FARP1: variants seen among roughly 807,000 people sequenced by gnomAD.
The protein encoded by FARP1 is FERM, ARH/RhoGEF and pleckstrin domain protein 1, also known as FERM, ARHGEF and pleckstrin domain-containing protein 1.
In FARP1, 52 loss-of-function variants were observed where a neutral mutation model predicts 128.8. The observed-to-expected ratio is 0.40, with a 90% CI of 0.32 to 0.51. The LOEUF (loss-of-function observed/expected upper bound fraction) is 0.51, where lower values mean the gene tolerates loss of function less well. FARP1 is among the 20% of genes least tolerant of loss of function. The pLI, the probability that FARP1 is intolerant of heterozygous loss-of-function variation, is 0.45. For missense variants in FARP1, 1,333 were observed against 1,367.9 expected, an observed-to-expected ratio of 0.97 and a Z score of 0.40; for synonymous variants, 580 against 551.8, an observed-to-expected ratio of 1.05 and a Z score of -0.72.
chr13:98,279,577 T>C (rs1161222880), intron 2 of FARP1, among the ~76,000 whole-genome samples: 1 of 152,214 alleles, frequency 6.6e-6, no homozygotes, highest in Non-Finnish European at 1.5e-5. Context: ...TTAATTTTAA[T>C]TAACTTACTA....
chr13:98,188,224 G>A (rs918981949), intron 1 of FARP1, among the ~76,000 whole-genome samples: 1 of 152,168 alleles, frequency 6.6e-6, no homozygotes, highest in Non-Finnish European at 1.5e-5. Flanking sequence ...GAACAGAACA[G>A]TTTCTGTAAG....
At chr13:98,227,453 A>G (rs954674223) in intron 2 of FARP1, among the ~76,000 whole-genome samples, 12 of 145,002 alleles carry the variant, frequency 8.3e-5, no homozygotes, top group African/African-American at 3.2e-4. Context: ...GCTACTATTA[A>G]AAAAAAAAAA....
intron 2 of FARP1, among the ~76,000 whole-genome samples, chr13:98,225,127 A>G (rs1881682270): frequency 6.6e-6 from 1 of 152,182 alleles, no homozygotes; most frequent in African/African-American, 2.4e-5. Flanking sequence ...AGAGCTGAAA[A>G]AACCTCAGAT....
intron 6 of FARP1, among the ~76,000 whole-genome samples, chr13:98,378,663 T>C (rs1889695216): frequency 6.6e-6 from 1 of 151,870 alleles, no homozygotes. Context: ...TATCCTGATA[T>C]GTGCCTAGTT....
At chr13:98,217,115 G>C (rs1471380658) in intron 2 of FARP1, among the ~76,000 whole-genome samples, 3 of 152,202 alleles carry the variant, frequency 2.0e-5, no homozygotes, top group Admixed American at 1.3e-4. Flanking sequence ...AGTTCCCACT[G>C]ACATTAGTAG....
Position 98,314,826 on chromosome 13 carries a change from G to A in FARP1, c.172-28936G>A, listed in dbSNP as rs1886652775. On this transcript the variant is annotated intron_variant, in intron 2 of 26. Transcript: ENST00000319562. The stretch of plus-strand genomic sequence containing the variant: ...GAGCACCTCTAGGGAAATAGGATGA[G>A]CCAATTAAGGAAGAGAGGGGCAGAC... Among the ~76,000 whole-genome samples, 3 of 152,356 alleles carry A rather than the reference G, an allele frequency of 2.0e-5. No homozygotes were observed. In the South Asian group the frequency reaches 6.2e-4, roughly 32 times the overall value.
intron 2 of FARP1, among the ~76,000 whole-genome samples, chr13:98,265,311 A>ATTTTTTTTTTTTTTTTT (rs60809416): frequency 1.7e-5 from 1 of 60,252 alleles, no homozygotes; most frequent in African/African-American, 7.8e-5. Flanking sequence ...TCCTTCCTGA[A>ATTTTTTTTTTTTTTTTT]TTTTTTTTTT....
intron 5 of FARP1, among the ~76,000 whole-genome samples, chr13:98,373,309 T>C (rs1015564683): frequency 6.6e-6 from 1 of 152,130 alleles, no homozygotes; most frequent in African/African-American, 2.4e-5. Context: ...ATTCAGAATG[T>C]AATTTTAAAA....
At chr13:98,442,876 AC>A (rs1341284144) in intron 24 of FARP1, among the ~76,000 whole-genome samples, 1 of 151,942 alleles carries the variant, frequency 6.6e-6, no homozygotes, top group Non-Finnish European at 1.5e-5. Context: ...GTGAATTACG[AC>A]TCTCAAGGCT....
chr13:98,360,768 G>A (rs1182467795), intron 3 of FARP1, among the ~76,000 whole-genome samples: 1 of 152,208 alleles, frequency 6.6e-6, no homozygotes, highest in Non-Finnish European at 1.5e-5. Context: ...TTTCTCTAGA[G>A]GTCCATTCAT....
chr13:98,154,461 T>A (rs559986469), intron 1 of FARP1, among the ~76,000 whole-genome samples: 3 of 152,282 alleles, frequency 2.0e-5, no homozygotes, highest in South Asian at 4.1e-4. Context: ...TTTCTTGGAC[T>A]CTCTGGCAGA....
intron 11 of FARP1, among the ~76,000 whole-genome samples, chr13:98,392,500 CAAA>C (rs768704584): frequency 7.3e-6 from 1 of 136,344 alleles, no homozygotes. Flanking sequence ...GATCCTGTCC[CAAA>C]AAAAAAAAAG....
intron 6 of FARP1, among the ~76,000 whole-genome samples, chr13:98,378,946 T>A (rs1267517420): frequency 1.1e-5 from 1 of 91,298 alleles, no homozygotes; most frequent in Non-Finnish European, 2.1e-5. Flanking sequence ...AATCTATATA[T>A]AATATATATA....
chr13:98,392,928 T>G (rs2140063912), intron 11 of FARP1, among the ~76,000 whole-genome samples: 2 of 152,264 alleles, frequency 1.3e-5, no homozygotes, highest in East Asian at 3.9e-4. Flanking sequence ...CTCTCTCTGA[T>G]TCAGAATGTG....
chr13:98,254,061 C>G (rs1349782451), intron 2 of FARP1, among the ~76,000 whole-genome samples: 2 of 152,118 alleles, frequency 1.3e-5, no homozygotes, highest in African/African-American at 4.8e-5. Context: ...GTTCTGAGAC[C>G]ACCCCAACTC....
chr13:98,165,012 C>T lies in FARP1; in HGVS notation c.-24+21520C>T, dbSNP rs1286541833. Among the ~76,000 whole-genome samples, 6 of 151,896 alleles carry T rather than the reference C, an allele frequency of 4.0e-5. No individual in the cohort carries two copies. In the East Asian group the frequency reaches 1.2e-3, roughly 29 times the overall value. On this transcript the variant is annotated intron_variant, in intron 1 of 26. Coordinates refer to ENST00000319562, the MANE Select transcript of FARP1 (RefSeq NM_005766.4). ...GGTGGATCACTTGAGGTCGGGAGTT[C>T]AAGACCAGCCTGGGCAGCATGGCAA...
chr13:98,309,568 AG>A (rs1886358746), intron 2 of FARP1, among the ~76,000 whole-genome samples: 2 of 152,280 alleles, frequency 1.3e-5, no homozygotes, highest in African/African-American at 4.8e-5. Flanking sequence ...GATGGGATAG[AG>A]AGAAGCTGTA....
intron 1 of FARP1, among the ~76,000 whole-genome samples, chr13:98,179,509 G>A (rs1878350809): frequency 6.6e-6 from 1 of 152,156 alleles, no homozygotes; most frequent in Non-Finnish European, 1.5e-5. Flanking sequence ...TTTGCTGCCA[G>A]AATTCTGTGA....
At chr13:98,297,921 G>A (rs1227778373) in intron 2 of FARP1, among the ~76,000 whole-genome samples, 3 of 152,160 alleles carry the variant, frequency 2.0e-5, no homozygotes, top group Non-Finnish European at 1.5e-5. Flanking sequence ...CTATCAGAGC[G>A]GGTTTCTGAA....
Sources: allele counts gnomAD v4.1 joint callset (sites outside exome capture counted in the v4.1 genomes callset), GRCh38; gene constraint gnomAD v4.1.1; transcripts MANE v1.5; gene names NCBI Gene and HGNC (gene_info 2026-07-23, HGNC 2026-07-21).